Variants in G3BP2 observed in about 807,000 individuals in gnomAD.
The protein encoded by G3BP2 is ras GTPase-activating protein-binding protein 2.
G3BP2 carries 11 observed loss-of-function variants against 56.7 expected under a neutral mutation model. The ratio of observed to expected loss-of-function variants is 0.19; its 90% CI spans 0.12 to 0.32. The LOEUF is 0.32. Among genes scored for constraint, G3BP2 ranks in the 10% least tolerant of loss-of-function variants. The pLI, the probability that G3BP2 is intolerant of heterozygous loss-of-function variation, is 1.00. For missense variants in G3BP2, 340 were observed against 610.9 expected (o/e 0.56, Z 4.67); for synonymous variants, 165 against 191.6 (o/e 0.86, Z 1.15).
chr4:75,670,979 A>G (rs763948975), intron 1 of G3BP2, among the ~76,000 whole-genome samples: 81 of 152,330 alleles, frequency 5.3e-4, no homozygotes, highest in African/African-American at 1.9e-3. Flanking sequence ...ATCCAAGAAT[A>G]ATTTTCAATA....
At chr4:75,648,770 A>G in intron 8 of G3BP2, 29 bp from the exon 9 acceptor site, 1 of 1,391,860 alleles carries the variant, frequency 7.2e-7, no homozygotes, top group South Asian at 1.2e-5. Flanking sequence ...AAAACATTAT[A>G]AAAAACACTC....
chr4:75,650,264 G>A (rs975930649), intron 8 of G3BP2, among the ~76,000 whole-genome samples: 2 of 151,240 alleles, frequency 1.3e-5, no homozygotes, highest in Non-Finnish European at 1.5e-5. Context: ...GAGAAACCCT[G>A]TCTCTACTAA....
upstream of G3BP2, among the ~76,000 whole-genome samples, chr4:75,674,722 T>A (rs1308205732): frequency 0.035 from 2,292 of 65,448 alleles, 45 homozygotes; most frequent in African/African-American, 0.065. Context: ...ATATATATTT[T>A]TTTTTTTTTT....
chr4:75,658,992 T>A, intron 2 of G3BP2, 68 bp from the exon 3 acceptor site: 1 of 1,199,044 alleles, frequency 8.3e-7, no homozygotes. Flanking sequence ...AATTCTGGTG[T>A]CATAGACTAG....
intron 3 of G3BP2, among the ~76,000 whole-genome samples, chr4:75,687,927 G>A (rs866111023): frequency 1.3e-5 from 2 of 152,168 alleles, no homozygotes; most frequent in Admixed American, 1.3e-4. Flanking sequence ...CTATTAGGAG[G>A]GTGTTAAGTT....
At chr4:75,712,127 A>G (rs551261108) in intron 3 of G3BP2, among the ~76,000 whole-genome samples, 2 of 152,336 alleles carry the variant, frequency 1.3e-5, no homozygotes, top group East Asian at 3.9e-4. Flanking sequence ...TACATTGTAT[A>G]CATGTATTGA....
At chr4:75,709,489 A>G (rs1276297606) in intron 3 of G3BP2, among the ~76,000 whole-genome samples, 2 of 148,914 alleles carry the variant, frequency 1.3e-5, no homozygotes, top group African/African-American at 5.0e-5. Flanking sequence ...GCACATGCCT[A>G]TAGTCTCAAC....
At chr4:75,682,168 G>C (rs1734100832) in intron 3 of G3BP2, among the ~76,000 whole-genome samples, 1 of 152,194 alleles carries the variant, frequency 6.6e-6, no homozygotes, top group Non-Finnish European at 1.5e-5. Flanking sequence ...TGTAATCCCA[G>C]CACTTTGGGA....
chr4:75,668,315 G>A (rs925023110), intron 1 of G3BP2, among the ~76,000 whole-genome samples: 2 of 152,088 alleles, frequency 1.3e-5, no homozygotes, highest in African/African-American at 4.8e-5. Context: ...TGACTAAAAC[G>A]TCACCTTTTA....
At chr4:75,682,909 G>T (rs879672140) in intron 3 of G3BP2, among the ~76,000 whole-genome samples, 1 of 151,922 alleles carries the variant, frequency 6.6e-6, no homozygotes, top group Non-Finnish European at 1.5e-5. Context: ...GCTTGAACCT[G>T]GGAGGCAGAG....
In G3BP2 at chr4:75,645,366, A is replaced by T; in HGVS notation, c.*64T>A. Reference sequence around the variant, plus strand: ...GTCACATTCCAAAGCCAAAAAAAAAATTAACAAGAATGCAAACACGATGAA... The same window carrying T: ...GTCACATTCCAAAGCCAAAAAAAAATTTAACAAGAATGCAAACACGATGAA... On this transcript the variant is annotated 3_prime_UTR_variant, in exon 12 of 12. Coordinates refer to ENST00000359707, the MANE Select transcript of G3BP2 (RefSeq NM_203505.3). The T allele has an allele frequency of 1.3e-6, 2 of 1,483,934 alleles. No individual in the cohort carries two copies. The highest frequency in any genetic ancestry group is 2.2e-5 in the Admixed American group (1 of 45,798). The allele number at this position is 1,483,934 out of a possible 1,614,324, so 91.9% of individuals were successfully genotyped here.
chr4:75,721,192 C>T (rs1158231618), intron 2 of G3BP2, among the ~76,000 whole-genome samples: 2 of 151,734 alleles, frequency 1.3e-5, no homozygotes, highest in Admixed American at 1.3e-4. Flanking sequence ...CCGTCCACCT[C>T]AGCCTCCCAA....
At chr4:75,690,964 A>G (rs974069555) in intron 3 of G3BP2, among the ~76,000 whole-genome samples, 2 of 152,162 alleles carry the variant, frequency 1.3e-5, no homozygotes, top group African/African-American at 2.4e-5. Context: ...AAACAGGAAA[A>G]CTATTACCTT....
intron 1 of G3BP2, among the ~76,000 whole-genome samples, chr4:75,667,826 T>C (rs138812540): frequency 3.0e-4 from 46 of 152,252 alleles, no homozygotes; most frequent in Non-Finnish European, 5.4e-4. Context: ...GAGGCAAAGG[T>C]TGCAGTAAGC....
chr4:75,673,438 CTTAT>C (rs1049275543), upstream of G3BP2: 1 of 1,232,236 alleles, frequency 8.1e-7, no homozygotes, highest in Non-Finnish European at 1.0e-6. Context: ...ACCGCCCCCT[CTTAT>C]TGTTTTACCC....
chr4:75,655,032 G>C, intron 7 of G3BP2, 34 bp downstream of exon 7: 4 of 1,441,774 alleles, frequency 2.8e-6, no homozygotes, highest in Non-Finnish European at 2.9e-6. Flanking sequence ...TTGAACATGT[G>C]ATGTTGTAAG....
chr4:75,674,719 T>TATATATATATATATATATATATA (rs57822618), upstream of G3BP2, among the ~76,000 whole-genome samples: 20 of 50,930 alleles, frequency 3.9e-4, no homozygotes, highest in South Asian at 7.0e-4. Flanking sequence ...TATATATATA[T>TATATATATATATATATATATATA]TTTTTTTTTT....
rs1460516320 is a variant in G3BP2 at position 75,649,098 on chromosome 4, C to CA, written c.826-358dup. The CA allele has an allele frequency of 1.3e-4, 21 of 166,460 alleles. No homozygotes were observed. The East Asian group carries it at 2.0e-3, about 16-fold the overall frequency. 10.3% of individuals were successfully genotyped at this position (166,460 alleles called of 1,614,324 possible). ...GAACCACTCCATGTAAATACATAAACAAAATTAAAAGCCATCTTCATCTTA... is the reference window on the plus strand; with the variant it reads ...GAACCACTCCATGTAAATACATAAACAAAAATTAAAAGCCATCTTCATCTTA... On this transcript the variant is annotated intron_variant, in intron 8 of 11. Transcript: ENST00000359707.
chr4:75,721,869 A>G (rs781090829), intron 2 of G3BP2, among the ~76,000 whole-genome samples: 15 of 152,126 alleles, frequency 9.9e-5, no homozygotes, highest in Non-Finnish European at 1.8e-4. Flanking sequence ...ATCACTCTTA[A>G]TTTTGATTAT....
Sources: gnomAD v4.1 joint callset for allele counts (sites outside exome capture counted in the v4.1 genomes callset) on GRCh38, gnomAD v4.1.1 for gene constraint, MANE v1.5 for transcripts, NCBI Gene and HGNC (gene_info 2026-07-23, HGNC 2026-07-21) for gene names.